CEP55: variants seen among roughly 807,000 people sequenced by gnomAD.
CEP55 encodes the protein centrosomal protein 55.
A neutral mutation model predicts 63.2 loss-of-function variants in CEP55; 57 were observed. That is an observed-to-expected ratio of 0.90 (90% CI 0.73 to 1.13). The LOEUF is 1.13. Among genes scored for constraint, CEP55 ranks in the 50% most tolerant of loss-of-function variants. CEP55 has a pLI of 0.00. For synonymous variants in CEP55, 178 were observed against 191.6 expected (o/e 0.93, Z 0.59); for missense variants, 456 against 518.9 (o/e 0.88, Z 1.18).
chr10:93,523,332 C>A (rs1164858740), intron 8 of CEP55, among the ~76,000 whole-genome samples: 2 of 152,076 alleles, frequency 1.3e-5, no homozygotes, highest in African/African-American at 4.8e-5. Context: ...AAGATCAAAA[C>A]AGACAAAGAA....
intron 8 of CEP55, among the ~76,000 whole-genome samples, chr10:93,525,430 T>G (rs1252921904): frequency 6.6e-6 from 1 of 152,012 alleles, no homozygotes; most frequent in Non-Finnish European, 1.5e-5. Context: ...CTCAACAAAA[T>G]AAAAGAGGAT....
chr10:93,511,441 TAGAA>T (rs1014316580), intron 4 of CEP55, among the ~76,000 whole-genome samples: 18 of 152,184 alleles, frequency 1.2e-4, no homozygotes, highest in Admixed American at 5.9e-4. Context: ...TTGATACTGA[TAGAA>T]AGCCGATGCA....
intron 8 of CEP55, among the ~76,000 whole-genome samples, chr10:93,522,393 G>C (rs185881554): frequency 2.0e-5 from 3 of 152,140 alleles, no homozygotes; most frequent in African/African-American, 7.2e-5. Context: ...GAGAAAAAAG[G>C]ATAAAAAGAA....
intron 8 of CEP55, among the ~76,000 whole-genome samples, chr10:93,523,856 A>G (rs1199049253): frequency 2.0e-5 from 3 of 152,250 alleles, no homozygotes; most frequent in Non-Finnish European, 4.4e-5. Context: ...ACATAACAAA[A>G]TGAAGGCAGA....
intron 8 of CEP55, among the ~76,000 whole-genome samples, chr10:93,525,867 G>A (rs1589661289): frequency 6.6e-6 from 1 of 151,816 alleles, no homozygotes; most frequent in Admixed American, 6.6e-5. Flanking sequence ...ATGGTGCTGG[G>A]AAAACTGGCT....
chr10:93,525,749 A>G (rs928670424), intron 8 of CEP55, among the ~76,000 whole-genome samples: 4 of 151,988 alleles, frequency 2.6e-5, no homozygotes, highest in African/African-American at 4.8e-5. Context: ...ATATAGACCA[A>G]TGGAACAGAA....
At position 93,528,386 on chromosome 10, in the gene CEP55, G is replaced by T; in HGVS notation, c.*233G>T. ...GCAATGACAGAATGTGGTGAGCAGCGTCTACTGAGACTACTAACATTTTGC... is the reference window on the plus strand; with the variant it reads ...GCAATGACAGAATGTGGTGAGCAGCTTCTACTGAGACTACTAACATTTTGC... On this transcript the variant is annotated 3_prime_UTR_variant, in exon 9 of 9. Transcript: ENST00000371485. The T allele has an allele frequency of 1.9e-6, 1 of 539,542 alleles. No homozygotes were observed. The allele number at this position is 539,542 out of a possible 1,614,324, so 33.4% of individuals were successfully genotyped here. A position where few individuals can be genotyped will look rare whatever the true frequency, so the allele number is the denominator to read the frequency against.
chr10:93,511,411 A>G (rs2057746968), intron 4 of CEP55, among the ~76,000 whole-genome samples: 1 of 152,216 alleles, frequency 6.6e-6, no homozygotes, highest in African/African-American at 2.4e-5. Flanking sequence ...AATATTTATG[A>G]TAGCTATCAA....
intron 4 of CEP55, 30 bp from the exon 5 acceptor site, chr10:93,515,375 C>T (rs1209603595): frequency 6.4e-7 from 1 of 1,555,460 alleles, no homozygotes; most frequent in East Asian, 2.3e-5. Flanking sequence ...TTTTATTTTA[C>T]TGTTGATTTT....
chr10:93,509,661 C>T (rs1235741701), intron 4 of CEP55, among the ~76,000 whole-genome samples: 2 of 151,926 alleles, frequency 1.3e-5, no homozygotes, highest in Non-Finnish European at 2.9e-5. Flanking sequence ...GATTTTTGTA[C>T]TTTTAGTAGA....
At chr10:93,515,315 G>C in intron 4 of CEP55, 90 bp from the exon 5 acceptor site, 1 of 1,233,302 alleles carries the variant, frequency 8.1e-7, no homozygotes, top group Non-Finnish European at 1.1e-6. Flanking sequence ...AGTTTTTGTT[G>C]GAAAAGACTA....
Position 93,515,472 on chromosome 10 carries a change from T to A in CEP55, c.596T>A (p.Leu199Ter). ...QQREVYVKGL[L>*]AKIFELEKKT... ...CGGGAAGTCTATGTAAAAGGACTTT[T>A]AGCAAAGATCTTTGAGTTGGAAAAG... The change falls in exon 5 of 9, where the codon TTA (leucine) becomes TAA (stop). Residue 199 changes from leucine (L) to a stop codon, truncating the protein, a stop_gained. Transcript: ENST00000371485. LOFTEE classifies it high-confidence loss of function. 1 of 1,613,946 alleles carries A rather than the reference T, an allele frequency of 6.2e-7. No individual in the cohort carries two copies. Among genetic ancestry groups the A allele is most frequent in the Non-Finnish European group, 8.5e-7 (1 of 1,179,840 alleles).
Position 93,519,896 on chromosome 10 carries a change from A to G in CEP55, c.1191+89A>G, listed in dbSNP as rs7068719. ...CGAACTTAGGAGGATACAGCTTAACACACAGCTAGCTGTATCTCAAATCAG... is the reference window on the plus strand; with the variant it reads ...CGAACTTAGGAGGATACAGCTTAACGCACAGCTAGCTGTATCTCAAATCAG... On this transcript the variant is annotated intron_variant, in intron 8 of 8. Transcript: ENST00000371485. The G allele has an allele frequency of 1, 1,410,568 of 1,416,058 alleles. 702,705 individuals carry two copies. Among genetic ancestry groups the G allele is most frequent in the Non-Finnish European group, 1 (1,009,691 of 1,009,868 alleles). The allele number at this position is 1,416,058 out of a possible 1,614,324, so 87.7% of individuals were successfully genotyped here. A position where few individuals can be genotyped will look rare whatever the true frequency, so the allele number is the denominator to read the frequency against.
intron 2 of CEP55, among the ~76,000 whole-genome samples, chr10:93,500,886 A>C (rs1212805118): frequency 6.6e-6 from 1 of 152,014 alleles, no homozygotes; most frequent in Non-Finnish European, 1.5e-5. Context: ...GGGCCTCCCA[A>C]AGTGCTGGAA....
intron 8 of CEP55, among the ~76,000 whole-genome samples, chr10:93,522,139 G>A (rs1013676715): frequency 1.3e-4 from 20 of 152,312 alleles, no homozygotes; most frequent in African/African-American, 1.7e-4. Context: ...AAACTTCTCT[G>A]AGCTAAAGGA....
intron 4 of CEP55, among the ~76,000 whole-genome samples, chr10:93,514,396 A>T (rs1469113941): frequency 6.6e-6 from 1 of 152,212 alleles, no homozygotes; most frequent in Admixed American, 6.5e-5. Context: ...TAAAGGATGA[A>T]AGTTGGTAGT....
chr10:93,508,514 G>A (rs1276509929), intron 4 of CEP55, among the ~76,000 whole-genome samples: 2 of 152,176 alleles, frequency 1.3e-5, no homozygotes, highest in Non-Finnish European at 2.9e-5. Flanking sequence ...AAAGTTCTAT[G>A]TCTTATTACA....
At chr10:93,512,701 C>T (rs73325413) in intron 4 of CEP55, among the ~76,000 whole-genome samples, 1,867 of 152,144 alleles carry the variant, frequency 0.012, 42 homozygotes, top group African/African-American at 0.042. Context: ...ACAGTGCTTC[C>T]TCTCTTATCA....
intron 8 of CEP55, among the ~76,000 whole-genome samples, chr10:93,524,413 T>C (rs187174299): frequency 0.87 from 132,027 of 151,988 alleles, 57,827 homozygotes; most frequent in Non-Finnish European, 0.93. Flanking sequence ...TCTGAATAGA[T>C]CAATAACAGG....
Sources: allele counts gnomAD v4.1 joint callset (sites outside exome capture counted in the v4.1 genomes callset), GRCh38; gene constraint gnomAD v4.1.1; transcripts MANE v1.5; gene names NCBI Gene and HGNC (gene_info 2026-07-23, HGNC 2026-07-21).